Variants in OXR1 observed in about 807,000 individuals in gnomAD.
OXR1 encodes the protein oxidation resistance 1, also known as oxidation resistance protein 1.
In OXR1, 41 loss-of-function variants were observed where a neutral mutation model predicts 104.6. That is an observed-to-expected ratio of 0.39 (90% CI 0.31 to 0.51). The LOEUF is 0.51. OXR1 is among the 20% of genes least tolerant of loss of function. The pLI, the probability that OXR1 is intolerant of heterozygous loss-of-function variation, is 0.77. For missense variants in OXR1, 955 were observed against 1,031.9 expected, an observed-to-expected ratio of 0.93 and a Z score of 1.02; for synonymous variants, 348 against 348.4, an observed-to-expected ratio of 1.00 and a Z score of 0.01.
chr8:106,741,371 A>G (rs1380428998), intron 14 of OXR1, among the ~76,000 whole-genome samples: 1 of 152,124 alleles, frequency 6.6e-6, no homozygotes, highest in African/African-American at 2.4e-5. Flanking sequence ...GGTAGTTGAG[A>G]CTATTGATGA....
intron 2 of OXR1, 59 bp from the exon 3 acceptor site, chr8:106,518,884 A>G: frequency 5.5e-6 from 7 of 1,275,964 alleles, no homozygotes; most frequent in Non-Finnish European, 7.5e-6. Context: ...AATTATAAAC[A>G]TGGAACAAAT....
chr8:106,342,711 A>G (rs2130275722), intron 1 of OXR1, among the ~76,000 whole-genome samples: 1 of 152,182 alleles, frequency 6.6e-6, no homozygotes, highest in South Asian at 2.1e-4. Context: ...TCTCTTCCCA[A>G]CATTGCATTT....
At chr8:106,331,714 C>T (rs111572271) in intron 1 of OXR1, among the ~76,000 whole-genome samples, 3,728 of 152,022 alleles carry the variant, frequency 0.025, 148 homozygotes, top group African/African-American at 0.085. Flanking sequence ...CCAACGTGGG[C>T]GGATCATATC....
At chr8:106,480,015 A>G (rs182307748) in intron 2 of OXR1, among the ~76,000 whole-genome samples, 18 of 152,082 alleles carry the variant, frequency 1.2e-4, no homozygotes, top group Non-Finnish European at 2.2e-4. Context: ...AGTATATTAC[A>G]AGCATTTTGC....
intron 2 of OXR1, among the ~76,000 whole-genome samples, chr8:106,385,617 G>C (rs752277229): frequency 6.6e-6 from 1 of 152,106 alleles, no homozygotes; most frequent in Non-Finnish European, 1.5e-5. Context: ...TAAATGCACA[G>C]AATGAGTAAC....
chr8:106,709,210 A>G (rs941032326), intron 9 of OXR1, among the ~76,000 whole-genome samples: 6 of 152,146 alleles, frequency 3.9e-5, no homozygotes, highest in African/African-American at 1.2e-4. Flanking sequence ...GAACAAAATC[A>G]TATGTGTTAA....
intron 16 of OXR1, among the ~76,000 whole-genome samples, chr8:106,750,289 G>A (rs1200589550): frequency 6.8e-6 from 1 of 147,662 alleles, no homozygotes; most frequent in Middle Eastern, 3.4e-3. Flanking sequence ...TTCCTGGTCT[G>A]TATCATAAAT....
At chr8:106,551,860 ATGTGTGTGTGTGTGTG>A (rs71307068) in intron 3 of OXR1, among the ~76,000 whole-genome samples, 3 of 126,576 alleles carry the variant, frequency 2.4e-5, no homozygotes, top group South Asian at 2.7e-4. Context: ...GTGTATATAT[ATGTGTGTGTGTGTGTG>A]TGTGTGTGTG....
intron 10 of OXR1, among the ~76,000 whole-genome samples, chr8:106,711,473 A>G (rs1587194316): frequency 6.6e-6 from 1 of 152,154 alleles, no homozygotes; most frequent in Admixed American, 6.6e-5. Context: ...ACAACGTACT[A>G]TATTTTTATC....
At chr8:106,721,380 A>T (rs1306000543) in intron 11 of OXR1, among the ~76,000 whole-genome samples, 2 of 152,170 alleles carry the variant, frequency 1.3e-5, no homozygotes, top group Non-Finnish European at 2.9e-5. Context: ...TTATTAAATC[A>T]ACTTTACTTG....
chr8:106,582,023 C>CAAAAAAAAAAAA (rs71307074), intron 3 of OXR1, among the ~76,000 whole-genome samples: 1 of 69,564 alleles, frequency 1.4e-5, no homozygotes, highest in Non-Finnish European at 2.6e-5. Flanking sequence ...GACTCTGTCT[C>CAAAAAAAAAAAA]AAAAAAAAAA....
rs376709419 is a variant in OXR1, at chr8:106,649,932, A to G, written c.221-29278A>G. Among the ~76,000 whole-genome samples, 17 of 152,166 alleles carry G rather than the reference A, an allele frequency of 1.1e-4. No individual in the cohort carries two copies. The East Asian group carries it at 2.9e-3, about 26-fold the overall frequency. ...AGAATGGTCTCGACCTCCTGACTTCATGATCCGCCCACCTTGGCCTCCCAA... is the reference window on the plus strand; with the variant it reads ...AGAATGGTCTCGACCTCCTGACTTCGTGATCCGCCCACCTTGGCCTCCCAA... On this transcript the variant is annotated intron_variant, in intron 3 of 16. Coordinates refer to ENST00000517566, the MANE Select transcript of OXR1 (RefSeq NM_001198533.2).
chr8:106,300,822 C>G (rs190541663), intron 1 of OXR1, among the ~76,000 whole-genome samples: 31 of 152,326 alleles, frequency 2.0e-4, no homozygotes, highest in Non-Finnish European at 3.4e-4. Context: ...GTTGAGAACA[C>G]TATGTATCAA....
At chr8:106,510,467 T>G (rs1812450782) in intron 2 of OXR1, among the ~76,000 whole-genome samples, 1 of 152,176 alleles carries the variant, frequency 6.6e-6, no homozygotes, top group African/African-American at 2.4e-5. Context: ...CTTAGATGAT[T>G]TAGATGTCCT....
At chr8:106,537,405 C>T (rs1814618311) in intron 3 of OXR1, among the ~76,000 whole-genome samples, 1 of 151,924 alleles carries the variant, frequency 6.6e-6, no homozygotes, top group Admixed American at 6.6e-5. Context: ...GTGCAAAATG[C>T]CGTAAGAGTT....
chr8:106,423,174 T>G (rs1376811150), intron 2 of OXR1, among the ~76,000 whole-genome samples: 1 of 152,180 alleles, frequency 6.6e-6, no homozygotes, highest in Non-Finnish European at 1.5e-5. Context: ...ATTGATTAAA[T>G]TAGCATCTAG....
intron 3 of OXR1, among the ~76,000 whole-genome samples, chr8:106,548,365 A>G (rs748226179): frequency 1.5e-4 from 23 of 152,274 alleles, no homozygotes; most frequent in South Asian, 4.1e-4. Context: ...AAATGTCCCT[A>G]TGGTCATACA....
At chr8:106,335,922 A>C (rs11989902) in intron 1 of OXR1, among the ~76,000 whole-genome samples, 94,976 of 151,718 alleles carry the variant, frequency 0.63, 30,154 homozygotes, top group African/African-American at 0.74. Flanking sequence ...ATGGCAAAAC[A>C]CTGTCTCTAC....
At chr8:106,274,294 T>A (rs1369496572) in intron 1 of OXR1, among the ~76,000 whole-genome samples, 1 of 152,184 alleles carries the variant, frequency 6.6e-6, no homozygotes, top group African/African-American at 2.4e-5. Flanking sequence ...GATACTGTTC[T>A]AATATCCCCT....
Sources: gnomAD v4.1 joint callset for allele counts (sites outside exome capture counted in the v4.1 genomes callset) on GRCh38, gnomAD v4.1.1 for gene constraint, MANE v1.5 for transcripts, NCBI Gene and HGNC (gene_info 2026-07-23, HGNC 2026-07-21) for gene names.